The following TRHDE variants were observed in gnomAD, a reference collection of about 807,000 sequenced individuals.
The protein encoded by TRHDE is thyrotropin-releasing hormone-degrading ectoenzyme.
A neutral mutation model predicts 125.7 loss-of-function variants in TRHDE; 72 were observed. That is an observed-to-expected ratio of 0.57 (90% CI 0.47 to 0.70). The LOEUF is 0.70. Ranked by LOEUF, TRHDE falls within the 30% of genes least tolerant of loss-of-function variation. The pLI, the probability that TRHDE is intolerant of heterozygous loss-of-function variation, is 0.00. For synonymous variants in TRHDE, 509 were observed against 509.1 expected (o/e 1.00, Z 0.00); for missense variants, 1,110 against 1,327.1 (o/e 0.84, Z 2.54).
At chr12:72,359,114 C>T (rs1870951714) in intron 2 of TRHDE, among the ~76,000 whole-genome samples, 1 of 151,012 alleles carries the variant, frequency 6.6e-6, no homozygotes, top group African/African-American at 2.4e-5. Flanking sequence ...CCCACCTCCC[C>T]AAGAAAGCAA....
At chr12:72,520,383 G>A (rs539703987) in intron 6 of TRHDE, among the ~76,000 whole-genome samples, 10 of 152,290 alleles carry the variant, frequency 6.6e-5, no homozygotes, top group East Asian at 5.8e-4. Context: ...CGCAGTATTC[G>A]GGTGGGAGTG....
At position 72,665,234 on chromosome 12, in the gene TRHDE, T is replaced by C. The variant is rs1875072081; in HGVS notation, c.*2039T>C. The C allele has an allele frequency of 6.6e-6, 1 of 152,380 alleles. No homozygotes were observed. The highest frequency in any genetic ancestry group is 2.4e-5 in the African/African-American group (1 of 41,422). The allele number at this position is 152,380 out of a possible 1,614,324, so 9.4% of individuals were successfully genotyped here. Reference sequence around the variant, plus strand: ...ATGAATTACTAAAATCTCTTAGTAGTTGTGGTATATTTTTGAGTAAAATTA... The same window carrying C: ...ATGAATTACTAAAATCTCTTAGTAGCTGTGGTATATTTTTGAGTAAAATTA... On this transcript the variant is annotated 3_prime_UTR_variant, in exon 19 of 19. Coordinates refer to ENST00000261180, the MANE Select transcript of TRHDE (RefSeq NM_013381.3).
At chr12:72,385,191 T>G (rs2135784736) in intron 3 of TRHDE, among the ~76,000 whole-genome samples, 1 of 152,204 alleles carries the variant, frequency 6.6e-6, no homozygotes, top group Non-Finnish European at 1.5e-5. Context: ...TTGGTCTAAT[T>G]TTATATAATG....
chr12:72,631,714 C>T (rs1873503187), intron 15 of TRHDE, among the ~76,000 whole-genome samples: 2 of 151,856 alleles, frequency 1.3e-5, no homozygotes, highest in African/African-American at 4.8e-5. Context: ...CACATAAACA[C>T]GCACACAAGT....
chr12:72,204,222 A>G (rs1476336013), intron 2 of TRHDE, among the ~76,000 whole-genome samples: 2 of 152,152 alleles, frequency 1.3e-5, no homozygotes, highest in African/African-American at 2.4e-5. Context: ...GGTAGATTCA[A>G]TAGCATGTTT....
At chr12:72,225,789 G>A (rs918426739) in intron 2 of TRHDE, among the ~76,000 whole-genome samples, 12 of 152,108 alleles carry the variant, frequency 7.9e-5, no homozygotes, top group Admixed American at 2.0e-4. Flanking sequence ...CCATTAAAAC[G>A]GGGCCAGGAA....
intron 1 of TRHDE, among the ~76,000 whole-genome samples, chr12:72,280,670 G>A (rs1265866681): frequency 1.3e-5 from 2 of 152,182 alleles, no homozygotes; most frequent in African/African-American, 4.8e-5. Context: ...AGGGAAACAA[G>A]AGAAACACAC....
At chr12:72,449,951 A>G (rs1286687678) in intron 3 of TRHDE, among the ~76,000 whole-genome samples, 3 of 151,916 alleles carry the variant, frequency 2.0e-5, no homozygotes, top group Non-Finnish European at 2.9e-5. Flanking sequence ...ATGGAATACA[A>G]TGATTCCATT....
chr12:72,534,949 A>G (rs1868777351), intron 6 of TRHDE, among the ~76,000 whole-genome samples: 1 of 152,062 alleles, frequency 6.6e-6, no homozygotes, highest in Non-Finnish European at 1.5e-5. Context: ...TCACATGGAA[A>G]AAAGCATTGG....
chr12:72,638,103 G>A (rs1326202207), intron 15 of TRHDE, among the ~76,000 whole-genome samples: 1 of 147,052 alleles, frequency 6.8e-6, no homozygotes, highest in Non-Finnish European at 1.5e-5. Context: ...TGACAGTGGG[G>A]TGTTAAAGTC....
At chr12:72,640,708 T>C (rs1238064384) in intron 15 of TRHDE, among the ~76,000 whole-genome samples, 1 of 152,214 alleles carries the variant, frequency 6.6e-6, no homozygotes, top group Non-Finnish European at 1.5e-5. Context: ...TGCTGGGAGC[T>C]GTAGACCGGA....
chr12:72,473,145 G>A lies in TRHDE; in HGVS notation c.1549G>A (p.Val517Ile). 2 of 1,613,940 alleles carry A rather than the reference G, an allele frequency of 1.2e-6. No homozygotes were observed. Among genetic ancestry groups the A allele is most frequent in the South Asian group, 1.1e-5 (1 of 91,082 alleles). The change falls in exon 5 of 19, where the codon GTT (valine) becomes ATT (isoleucine). Residue 517 changes from valine (V) to isoleucine (I), a missense_variant. This residue lies in a region of TRHDE where 11 missense variants were observed against 37.5 expected (regional missense o/e 0.29). Transcript: ENST00000261180. ...KEGFAHYFEF[V>I]GTDYLYPGWN... ...AGGGTTTGCTCACTACTTTGAATTT[G>A]TTGGTACAGACTACCTCTATCCTGG...
chr12:72,339,021 G>A (rs1869959973), intron 2 of TRHDE, among the ~76,000 whole-genome samples: 1 of 152,248 alleles, frequency 6.6e-6, no homozygotes, highest in East Asian at 1.9e-4. Context: ...AAAAATTCTA[G>A]AAATAACCTT....
At chr12:72,630,986 A>G (rs1465593902) in intron 15 of TRHDE, among the ~76,000 whole-genome samples, 1 of 150,312 alleles carries the variant, frequency 6.7e-6, no homozygotes, top group Non-Finnish European at 1.5e-5. Flanking sequence ...TTGAGATTCC[A>G]CTTATAATTA....
chr12:72,640,544 GT>G (rs1396149296), intron 15 of TRHDE, among the ~76,000 whole-genome samples: 1 of 149,472 alleles, frequency 6.7e-6, no homozygotes, highest in Non-Finnish European at 1.5e-5. Flanking sequence ...TCAATCCTTT[GT>G]TTCTTTATCA....
At chr12:72,505,652 G>T (rs1878326680) in intron 6 of TRHDE, among the ~76,000 whole-genome samples, 1 of 152,132 alleles carries the variant, frequency 6.6e-6, no homozygotes, top group African/African-American at 2.4e-5. Context: ...TAGAATAAAA[G>T]GTAAGAGAAT....
intron 1 of TRHDE, among the ~76,000 whole-genome samples, chr12:72,277,889 TG>T (rs779160053): frequency 2.6e-4 from 40 of 152,292 alleles, no homozygotes; most frequent in Middle Eastern, 6.8e-3. Context: ...TGCATACATT[TG>T]GAACAAATGT....
intron 12 of TRHDE, among the ~76,000 whole-genome samples, chr12:72,589,081 G>A (rs868699929): frequency 1.3e-4 from 20 of 152,268 alleles, no homozygotes; most frequent in Admixed American, 5.2e-4. Flanking sequence ...GGTGAGATTC[G>A]GGTGGGGACA....
chr12:72,451,289 A>C (rs1352983141), intron 3 of TRHDE, among the ~76,000 whole-genome samples: 1 of 151,974 alleles, frequency 6.6e-6, no homozygotes, highest in African/African-American at 2.4e-5. Flanking sequence ...CCCATTTTGC[A>C]TTGACTTGTG....
Sources: gnomAD v4.1 joint callset for allele counts (sites outside exome capture counted in the v4.1 genomes callset) on GRCh38, gnomAD v4.1.1 for gene constraint, gnomAD v4.1.1 regional missense constraint, MANE v1.5 for transcripts, NCBI Gene and HGNC (gene_info 2026-07-23, HGNC 2026-07-21) for gene names.